SLC13A1: variants seen among roughly 807,000 people sequenced by gnomAD.
SLC13A1 encodes solute carrier family 13 member 1.
Under a neutral mutation model 70.0 loss-of-function variants are expected in SLC13A1, and 65 were observed. The observed-to-expected ratio is 0.93, with a 90% CI of 0.76 to 1.14. The LOEUF (loss-of-function observed/expected upper bound fraction) is 1.14. Among genes scored for constraint, SLC13A1 ranks in the 50% most tolerant of loss-of-function variants. The probability of loss-of-function intolerance (pLI) is 0.00; values close to 1 mark genes in which losing one functional copy is unlikely to be tolerated. For synonymous variants in SLC13A1, 275 were observed against 250.5 expected (o/e 1.10, Z -0.92); for missense variants, 726 against 717.8 (o/e 1.01, Z -0.13).
At chr7:123,161,923 T>G (rs1227621608) in intron 6 of SLC13A1, among the ~76,000 whole-genome samples, 1 of 152,134 alleles carries the variant, frequency 6.6e-6, no homozygotes. Flanking sequence ...TTATCTTATT[T>G]TGTTATTCTT....
At chr7:123,119,058 AAG>A (rs1057038913) in intron 13 of SLC13A1, 21 bp downstream of exon 13, 1 of 1,602,550 alleles carries the variant, frequency 6.2e-7, no homozygotes, top group Admixed American at 1.7e-5. Context: ...GAAGAGTAAA[AAG>A]GGGATAAATG....
In SLC13A1 at chr7:123,162,685, C is replaced by G. The variant is rs544162061; in HGVS notation, c.660+5689G>C. Among the ~76,000 whole-genome samples the G allele has an allele frequency of 3.6e-4, 54 of 152,108 alleles. No individual in the cohort carries two copies. In the South Asian group the frequency reaches 9.3e-3, roughly 26 times the overall value. ...GAGCCAGATATTCCAGAATTAATAT[C>G]TCCTTATTTGGCAGAACTAATACCC... is the stretch of plus-strand genomic sequence containing the variant. On this transcript the variant is annotated intron_variant, in intron 6 of 14. Coordinates refer to ENST00000194130, the MANE Select transcript of SLC13A1 (RefSeq NM_022444.4).
intron 7 of SLC13A1, among the ~76,000 whole-genome samples, chr7:123,141,805 G>C (rs12706496): frequency 0.22 from 33,539 of 151,836 alleles, 4,613 homozygotes; most frequent in East Asian, 0.34. Context: ...TTTATTTTCA[G>C]TCAACTTATG....
At chr7:123,169,033 A>T in intron 4 of SLC13A1, 115 bp downstream of exon 4, 1 of 894,274 alleles carries the variant, frequency 1.1e-6, no homozygotes, top group Non-Finnish European at 1.7e-6. Context: ...GAAGAAAGTT[A>T]AATTCATATC....
At chr7:123,155,619 G>A (rs140767216) in intron 6 of SLC13A1, among the ~76,000 whole-genome samples, 7 of 151,958 alleles carry the variant, frequency 4.6e-5, no homozygotes, top group African/African-American at 1.7e-4. Flanking sequence ...CACATTTCAG[G>A]CGGTGAATAT....
intron 2 of SLC13A1, among the ~76,000 whole-genome samples, chr7:123,179,172 T>C (rs1332568236): frequency 6.6e-6 from 1 of 152,072 alleles, no homozygotes; most frequent in Admixed American, 6.6e-5. Context: ...CAAGCAACAT[T>C]TTCATGAAAA....
intron 6 of SLC13A1, among the ~76,000 whole-genome samples, chr7:123,166,258 T>G (rs748527204): frequency 1.3e-5 from 2 of 152,136 alleles, no homozygotes; most frequent in Non-Finnish European, 2.9e-5. Context: ...TCAATTTGAA[T>G]GGTTTTGACT....
At chr7:123,125,430 T>C (rs1321419146) in intron 11 of SLC13A1, 139 bp downstream of exon 11, 5 of 623,248 alleles carry the variant, frequency 8.0e-6, no homozygotes, top group Non-Finnish European at 1.4e-5. Context: ...AGCATTGCAG[T>C]TTGCAAATAG....
At chr7:123,152,786 A>G (rs1018903999) in intron 6 of SLC13A1, among the ~76,000 whole-genome samples, 3 of 152,088 alleles carry the variant, frequency 2.0e-5, no homozygotes, top group African/African-American at 7.2e-5. Flanking sequence ...CATAGAAATC[A>G]TTTGTATTTT....
intron 7 of SLC13A1, among the ~76,000 whole-genome samples, chr7:123,136,940 T>C (rs1793968509): frequency 6.6e-6 from 1 of 152,092 alleles, no homozygotes; most frequent in African/African-American, 2.4e-5. Flanking sequence ...TTTGTCACAT[T>C]TGTGGAGAGA....
Position 123,199,927 on chromosome 7 carries a change from A to G in SLC13A1, c.20T>C (p.Ile7Thr), listed in dbSNP as rs1796302784. MKFFSY[I>T]LVYRRFLFVV... Reference sequence around the variant, plus strand: ...GAAGAGAAATCGGCGATAAACCAGAATGTAACTGAAGAATTTCATTGTCCT... The same window carrying G: ...GAAGAGAAATCGGCGATAAACCAGAGTGTAACTGAAGAATTTCATTGTCCT... Residue 7 changes from isoleucine to threonine, a missense_variant, in exon 1 of 15, where the codon ATT (isoleucine) becomes ACT (threonine). Physicochemically the swap from Ile to Thr is moderately conservative, Grantham distance 89. Transcript: ENST00000194130. 6.2e-7 allele frequency: 1 copy of G among 1,612,786 alleles called. No homozygotes were observed. The highest frequency in any genetic ancestry group is 1.3e-5 in the African/African-American group (1 of 74,854).
At chr7:123,150,804 C>T (rs1019493274) in intron 6 of SLC13A1, among the ~76,000 whole-genome samples, 2 of 152,098 alleles carry the variant, frequency 1.3e-5, no homozygotes, top group African/African-American at 4.8e-5. Context: ...TTTTCTATCT[C>T]TGCCTGTTTT....
At chr7:123,133,040 A>T (rs564575583) in intron 8 of SLC13A1, among the ~76,000 whole-genome samples, 9 of 147,028 alleles carry the variant, frequency 6.1e-5, no homozygotes, top group African/African-American at 2.2e-4. Context: ...ATTGGTCAAC[A>T]TTTTTTTTTT....
chr7:123,148,762 C>T (rs1194198094), intron 6 of SLC13A1, among the ~76,000 whole-genome samples: 1 of 152,010 alleles, frequency 6.6e-6, no homozygotes, highest in Non-Finnish European at 1.5e-5. Context: ...TGCTTGAAAA[C>T]CCATAGCTGG....
intron 1 of SLC13A1, among the ~76,000 whole-genome samples, chr7:123,198,275 T>C (rs1796244915): frequency 6.6e-6 from 1 of 151,748 alleles, no homozygotes. Context: ...GAGATTCATA[T>C]AGGAGACCTC....
chr7:123,186,419 T>C (rs1795802561), intron 1 of SLC13A1, among the ~76,000 whole-genome samples: 1 of 152,144 alleles, frequency 6.6e-6, no homozygotes, highest in South Asian at 2.1e-4. Context: ...TAAAGTAGCT[T>C]CATTTTGTCA....
At chr7:123,176,044 T>A (rs1749843619) in intron 2 of SLC13A1, among the ~76,000 whole-genome samples, 1 of 152,230 alleles carries the variant, frequency 6.6e-6, no homozygotes, top group Non-Finnish European at 1.5e-5. Flanking sequence ...AATGAATGAC[T>A]ATGGATTTGT....
chr7:123,147,537 C>CCTCTCTCTCTCTCT (rs112153839), intron 6 of SLC13A1, among the ~76,000 whole-genome samples: 13 of 147,856 alleles, frequency 8.8e-5, no homozygotes, highest in African/African-American at 3.2e-4. Flanking sequence ...GAGCTTGATT[C>CCTCTCTCTCTCTCT]CTCTCTCTCT....
chr7:123,126,123 TTC>T (rs1323143896), intron 10 of SLC13A1, among the ~76,000 whole-genome samples: 2 of 152,204 alleles, frequency 1.3e-5, no homozygotes, highest in Admixed American at 1.3e-4. Flanking sequence ...GGCGTGATAT[TTC>T]TGTGTTCCTC....
Sources: allele counts gnomAD v4.1 joint callset (sites outside exome capture counted in the v4.1 genomes callset), GRCh38; gene constraint gnomAD v4.1.1; transcripts MANE v1.5; gene names NCBI Gene and HGNC (gene_info 2026-07-23, HGNC 2026-07-21).